RASSF8: variants seen among roughly 807,000 people sequenced by gnomAD.
The protein encoded by RASSF8 is ras association domain-containing protein 8.
A neutral mutation model predicts 48.5 loss-of-function variants in RASSF8; 22 were observed. That is an observed-to-expected ratio of 0.45 (90% confidence interval 0.32 to 0.65). The LOEUF is 0.65. Among genes scored for constraint, RASSF8 ranks in the 30% least tolerant of loss-of-function variants. The probability of loss-of-function intolerance (pLI) is 0.03; values close to 1 mark genes in which losing one functional copy is unlikely to be tolerated. For missense variants in RASSF8, 418 were observed against 489.2 expected (o/e 0.85, Z 1.37); for synonymous variants, 127 against 171.5 (o/e 0.74, Z 2.03).
chr12:25,971,940 C>T (rs1465400233), intron 1 of RASSF8, among the ~76,000 whole-genome samples: 1 of 152,174 alleles, frequency 6.6e-6, no homozygotes, highest in Non-Finnish European at 1.5e-5. Flanking sequence ...CTTTGGGTCT[C>T]CTGGAAAGCA....
At chr12:25,986,733 T>G (rs1015248697) in intron 1 of RASSF8, among the ~76,000 whole-genome samples, 5 of 152,194 alleles carry the variant, frequency 3.3e-5, no homozygotes, top group African/African-American at 1.2e-4. Flanking sequence ...CAGTGGCCAT[T>G]GGCTTCTCAT....
At chr12:26,023,051 A>T (rs1942825250) in intron 2 of RASSF8, among the ~76,000 whole-genome samples, 1 of 152,218 alleles carries the variant, frequency 6.6e-6, no homozygotes, top group African/African-American at 2.4e-5. Flanking sequence ...TGGCCAGTAG[A>T]TTTCAACTGG....
intron 5 of RASSF8, among the ~76,000 whole-genome samples, chr12:26,077,938 G>A (rs190662915): frequency 1.4e-4 from 21 of 152,338 alleles, no homozygotes; most frequent in African/African-American, 5.1e-4. Context: ...ATAATAAAGA[G>A]GGAAGATGTG....
intron 1 of RASSF8, among the ~76,000 whole-genome samples, chr12:25,979,451 G>A (rs1239637460): frequency 6.6e-6 from 1 of 152,084 alleles, no homozygotes. Flanking sequence ...GAAGAACAGT[G>A]AGGTTAGCAC....
exon 6 of RASSF8, chr12:26,079,094 G>A (rs1206777878): frequency 1.3e-6 from 2 of 1,512,532 alleles, no homozygotes; most frequent in Non-Finnish European, 1.8e-6. Flanking sequence ...AAAAGCTCAG[G>A]CAAGAAAAGC....
At chr12:26,014,820 T>C (rs561802460) in intron 2 of RASSF8, among the ~76,000 whole-genome samples, 9 of 152,132 alleles carry the variant, frequency 5.9e-5, no homozygotes, top group Non-Finnish European at 1.2e-4. Context: ...AAATAAAAAC[T>C]TGTTAAGATT....
chr12:26,036,643 C>T (rs1003901310), intron 2 of RASSF8, among the ~76,000 whole-genome samples: 1 of 152,090 alleles, frequency 6.6e-6, no homozygotes, highest in African/African-American at 2.4e-5. Flanking sequence ...CGCAGTGGCT[C>T]ACGCCTATAA....
At chr12:25,964,853 TTATAG>T (rs1281186950) in intron 1 of RASSF8, among the ~76,000 whole-genome samples, 3 of 152,242 alleles carry the variant, frequency 2.0e-5, no homozygotes, top group Non-Finnish European at 2.9e-5. Flanking sequence ...TCAGAATATC[TTATAG>T]TAGTTTATTT....
intron 2 of RASSF8, among the ~76,000 whole-genome samples, chr12:26,001,720 A>G (rs1942263018): frequency 6.6e-6 from 1 of 152,026 alleles, no homozygotes; most frequent in Non-Finnish European, 1.5e-5. Context: ...GTCATCTCCT[A>G]TGATAACAGT....
chr12:26,038,046 G>T (rs913026390), intron 2 of RASSF8, among the ~76,000 whole-genome samples: 1 of 152,154 alleles, frequency 6.6e-6, no homozygotes, highest in Non-Finnish European at 1.5e-5. Context: ...TTTCTACCCT[G>T]TACACACCCC....
chr12:25,967,873 G>A (rs907952841), intron 1 of RASSF8, among the ~76,000 whole-genome samples: 4 of 152,190 alleles, frequency 2.6e-5, no homozygotes, highest in African/African-American at 9.7e-5. Flanking sequence ...TGGAGTTAGA[G>A]ACAACCCTGT....
At chr12:25,997,733 A>C (rs533113393) in intron 2 of RASSF8, among the ~76,000 whole-genome samples, 1 of 152,310 alleles carries the variant, frequency 6.6e-6, no homozygotes, top group Non-Finnish European at 1.5e-5. Context: ...CAAGACGCAT[A>C]CTTGGAATCC....
At chr12:26,062,396 A>C (rs1943763261) in intron 3 of RASSF8, among the ~76,000 whole-genome samples, 2 of 152,246 alleles carry the variant, frequency 1.3e-5, no homozygotes, top group Admixed American at 6.5e-5. Flanking sequence ...GGGCATTTTG[A>C]TAAATGTAAC....
At chr12:26,000,429 A>G (rs2136978930) in intron 2 of RASSF8, among the ~76,000 whole-genome samples, 1 of 152,304 alleles carries the variant, frequency 6.6e-6, no homozygotes, top group South Asian at 2.1e-4. Context: ...TCATGTACAA[A>G]AAGGCAGTCA....
At chr12:26,066,670 A>G (rs143831459) in intron 4 of RASSF8, among the ~76,000 whole-genome samples, 2,261 of 152,326 alleles carry the variant, frequency 0.015, 54 homozygotes, top group African/African-American at 0.052. Flanking sequence ...CTACCCACTG[A>G]AAAGTGTCTG....
intron 2 of RASSF8, among the ~76,000 whole-genome samples, chr12:25,998,775 T>C (rs928159300): frequency 6.6e-6 from 1 of 151,930 alleles, no homozygotes; most frequent in African/African-American, 2.4e-5. Flanking sequence ...AGAGTGAGTA[T>C]GTGTGGGCGT....
Position 26,064,528 on chromosome 12 carries a change from A to G in RASSF8, c.134A>G (p.Lys45Arg). ...ACTGGAAGGTACACCCTTATAGAGA[A>G]ATGGAGAGATACTGAAAGACACTTA... is the stretch of plus-strand genomic sequence containing the variant. ...GRTGRYTLIE[K>R]WRDTERHLAP... Residue 45 changes from lysine to arginine, a missense_variant, in exon 4 of 6, where the codon AAA becomes AGA. Transcript: ENST00000689635. 1.2e-6 allele frequency: 2 copies of G among 1,601,686 alleles called. No individual in the cohort carries two copies. Among genetic ancestry groups the G allele is most frequent in the South Asian group, 1.1e-5 (1 of 89,060 alleles).
At chr12:26,021,938 A>G (rs1307501067) in intron 2 of RASSF8, among the ~76,000 whole-genome samples, 1 of 152,206 alleles carries the variant, frequency 6.6e-6, no homozygotes, top group Non-Finnish European at 1.5e-5. Flanking sequence ...ATAAGAGCCC[A>G]CTGCTAGCTT....
chr12:25,985,324 T>A (rs536552653), intron 1 of RASSF8, among the ~76,000 whole-genome samples: 4 of 152,196 alleles, frequency 2.6e-5, no homozygotes, highest in Non-Finnish European at 5.9e-5. Flanking sequence ...AAACAAGGGA[T>A]CTTTCATTGC....
Sources: gnomAD v4.1 joint callset for allele counts (sites outside exome capture counted in the v4.1 genomes callset) on GRCh38, gnomAD v4.1.1 for gene constraint, MANE v1.5 for transcripts, NCBI Gene and HGNC (gene_info 2026-07-23, HGNC 2026-07-21) for gene names.